TMEM33: variants seen among roughly 807,000 people sequenced by gnomAD.
The protein encoded by TMEM33 is transmembrane protein 33.
In TMEM33, 16 loss-of-function variants were observed where a neutral mutation model predicts 29.7. The observed-to-expected ratio is 0.54, with a 90% CI of 0.36 to 0.82. The LOEUF is 0.82. TMEM33 is among the 40% of genes least tolerant of loss of function. TMEM33 has a pLI of 0.00. For synonymous variants in TMEM33, 112 were observed against 109.4 expected, an observed-to-expected ratio of 1.02 and a Z score of -0.15; for missense variants, 252 against 295.3, an observed-to-expected ratio of 0.85 and a Z score of 1.08.
At position 41,936,596 on chromosome 4, in the gene TMEM33, C is replaced by T. The variant is rs191938759; in HGVS notation, c.45+1067C>T. ...AATTAGCCGGTCGTGGAGGTGCGCT[C>T]CTATAGTCCCAGCATAGTCCCAGCT... On this transcript the variant is annotated intron_variant, in intron 1 of 6. Transcript: ENST00000504986. 1.8e-3 allele frequency among the ~76,000 whole-genome samples: 280 copies of T among 152,180 alleles called. 1 individual carries two copies. The highest frequency in any genetic ancestry group is 4.2e-3 in the Admixed American group (64 of 15,288).
At position 41,954,770 on chromosome 4, in the gene TMEM33, ATCT is replaced by A. The variant is rs1325364916; in HGVS notation, c.*575_*577del. 1 of 152,574 alleles carries A rather than the reference ATCT, an allele frequency of 6.6e-6. No individual in the cohort carries two copies. Among genetic ancestry groups the A allele is most frequent in the African/African-American group, 2.4e-5 (1 of 41,424 alleles). The allele number at this position is 152,574 out of a possible 1,614,324, so 9.5% of individuals were successfully genotyped here. A position where few individuals can be genotyped will look rare whatever the true frequency, so the allele number is the denominator to read the frequency against. The stretch of plus-strand genomic sequence containing the variant: ...AGAATTCTATGTATCTTAAACTATG[ATCT>A]TCTAAAATTTTATTTCCGTAAGTAC... On this transcript the variant is annotated 3_prime_UTR_variant, in exon 7 of 7. Coordinates refer to ENST00000504986, the MANE Select transcript of TMEM33 (RefSeq NM_018126.3).
Position 41,938,706 on chromosome 4 carries a change from A to G in TMEM33, c.140+10A>G, listed in dbSNP as rs746207343. On this transcript the variant is annotated intron_variant, in intron 2 of 6. Transcript: ENST00000504986. ...TTCTGCCTCTTCTTGGGTATGTATT[A>G]TACATATTGCTGCCTTTGATATTCA... 6.2e-7 allele frequency: 1 copy of G among 1,613,302 alleles called. No homozygotes were observed. Among genetic ancestry groups the G allele is most frequent in the Non-Finnish European group, 8.5e-7 (1 of 1,179,336 alleles).
chr4:41,947,086 A>G (rs758247470), intron 5 of TMEM33, among the ~76,000 whole-genome samples: 4 of 152,054 alleles, frequency 2.6e-5, no homozygotes, highest in Non-Finnish European at 5.9e-5. Flanking sequence ...AAATACAAAA[A>G]TTAGCTGGGC....
At chr4:41,953,452 G>A (rs1377815242) in intron 6 of TMEM33, among the ~76,000 whole-genome samples, 3 of 152,212 alleles carry the variant, frequency 2.0e-5, no homozygotes, top group African/African-American at 7.2e-5. Context: ...TCACAGAAAT[G>A]GGCTTTTAAT....
chr4:41,941,658 A>C (rs1331512484), intron 3 of TMEM33, among the ~76,000 whole-genome samples: 2 of 152,212 alleles, frequency 1.3e-5, no homozygotes, highest in Non-Finnish European at 2.9e-5. Flanking sequence ...CATATTCCTT[A>C]AATTCTTACA....
chr4:41,947,489 G>A (rs1712847022), intron 5 of TMEM33, among the ~76,000 whole-genome samples: 4 of 152,164 alleles, frequency 2.6e-5, no homozygotes, highest in Non-Finnish European at 2.9e-5. Context: ...ATTCAATTGT[G>A]CTCCTTAAAT....
rs1386549929 is a variant in TMEM33 at position 41,939,286 on chromosome 4, C to A, written c.231C>A (p.Phe77Leu). Reference sequence around the variant, plus strand: ...GGCTGCATCAAAGATTACCACACTTCCAGTTAAGCAGAGCATTCCTGGCCC... The same window carrying A: ...GGCTGCATCAAAGATTACCACACTTACAGTTAAGCAGAGCATTCCTGGCCC... ...ALRLHQRLPH[F>L]QLSRAFLAQA... is the part of the protein sequence containing the mutation. Residue 77 changes from phenylalanine to leucine, a missense_variant, in exon 3 of 7, where the codon TTC becomes TTA. Phe to Leu is a conservative substitution (Grantham distance 22). Coordinates refer to ENST00000504986, the MANE Select transcript of TMEM33 (RefSeq NM_018126.3). 3.1e-6 allele frequency: 5 copies of A among 1,613,874 alleles called. No individual in the cohort carries two copies. The highest frequency in any genetic ancestry group is 4.2e-6 in the Non-Finnish European group (5 of 1,179,932).
rs1192491686 is a variant in TMEM33, at chr4:41,957,218, A to C, written c.*3019A>C. On this transcript the variant is annotated 3_prime_UTR_variant, in exon 7 of 7. Transcript: ENST00000504986. ...GTATAGTTGGTACCTTACTAATTTA[A>C]ACTCTAATATCAATCTAAAGAGAAA... 6.6e-6 allele frequency: 1 copy of C among 151,548 alleles called. No individual in the cohort carries two copies. The highest frequency in any genetic ancestry group is 6.6e-5 in the Admixed American group (1 of 15,226). The allele number at this position is 151,548 out of a possible 1,614,324, so 9.4% of individuals were successfully genotyped here.
rs1159009145 is a variant in TMEM33 at position 41,954,076 on chromosome 4, A to T, written c.621A>T (p.Leu207Phe). 6.2e-7 allele frequency: 1 copy of T among 1,613,538 alleles called. No individual in the cohort carries two copies. The highest frequency in any genetic ancestry group is 1.1e-5 in the South Asian group (1 of 90,968). Residue 207 changes from leucine (L) to phenylalanine (F), a missense_variant, in exon 7 of 7, where the codon TTA becomes TTT. Leu to Phe is a conservative substitution (Grantham distance 22). Transcript: ENST00000504986. ...SSRRNPYCRTLFNELRIVVEH... is the reference protein window; with the variant it reads ...SSRRNPYCRTFFNELRIVVEH... ...AAACTATTTTGTCTTGCAGGACCTTATTTAATGAACTGAGGATTGTTGTTG... is the reference window on the plus strand; with the variant it reads ...AAACTATTTTGTCTTGCAGGACCTTTTTTAATGAACTGAGGATTGTTGTTG...
Position 41,954,325 on chromosome 4 carries a change from T to A in TMEM33, c.*126T>A. The A allele has an allele frequency of 1.9e-6, 2 of 1,029,934 alleles. No homozygotes were observed. Among genetic ancestry groups the A allele is most frequent in the African/African-American group, 3.3e-5 (2 of 61,338 alleles). The allele number at this position is 1,029,934 out of a possible 1,614,324, so 63.8% of individuals were successfully genotyped here. On this transcript the variant is annotated 3_prime_UTR_variant, in exon 7 of 7. Coordinates refer to ENST00000504986, the MANE Select transcript of TMEM33 (RefSeq NM_018126.3). ...AATTTACATAATTTACATAAATGCATCTCGGTGGAAAAATAATCATTTTCT... is the reference window on the plus strand; with the variant it reads ...AATTTACATAATTTACATAAATGCAACTCGGTGGAAAAATAATCATTTTCT...
At position 41,960,782 on chromosome 4, in the gene TMEM33, A is replaced by T. The variant is rs1188112771; in HGVS notation, c.*6583A>T. On this transcript the variant is annotated 3_prime_UTR_variant, in exon 7 of 7. Transcript: ENST00000504986. ...TGTAACTGGAAAAAAAAAGGAAAGA[A>T]AAATTACATTGATGCCTCAGCTGTT... Among the ~76,000 whole-genome samples, 1 of 152,186 alleles carries T rather than the reference A, an allele frequency of 6.6e-6. No individual in the cohort carries two copies. Among genetic ancestry groups the T allele is most frequent in the Non-Finnish European group, 1.5e-5 (1 of 68,004 alleles).
At chr4:41,945,632 G>A (rs1712752029) in intron 5 of TMEM33, among the ~76,000 whole-genome samples, 1 of 152,124 alleles carries the variant, frequency 6.6e-6, no homozygotes, top group Non-Finnish European at 1.5e-5. Context: ...TATTATGGAT[G>A]TGGAGTTTTG....
chr4:41,954,033 C>T (rs1317471446), intron 6 of TMEM33, 37 bp from the exon 7 acceptor site: 2 of 1,606,890 alleles, frequency 1.2e-6, no homozygotes, highest in South Asian at 2.2e-5. Flanking sequence ...ATTGCTTTTT[C>T]CTTGTGTTTC....
chr4:41,935,481 C>G lies in TMEM33; in HGVS notation c.-4C>G. 1 of 1,608,764 alleles carries G rather than the reference C, an allele frequency of 6.2e-7. No individual in the cohort carries two copies. The highest frequency in any genetic ancestry group is 1.1e-5 in the South Asian group (1 of 89,948). On this transcript the variant is annotated 5_prime_UTR_variant, in exon 1 of 7. Coordinates refer to ENST00000504986, the MANE Select transcript of TMEM33 (RefSeq NM_018126.3). ...CGGCGTCGCAGACGCTAGTGTGAGCCCCCATGGCAGATACGACCCCGAACG... is the reference window on the plus strand; with the variant it reads ...CGGCGTCGCAGACGCTAGTGTGAGCGCCCATGGCAGATACGACCCCGAACG...
chr4:41,954,253 C>A lies in TMEM33; in HGVS notation c.*54C>A. 1 of 1,588,908 alleles carries A rather than the reference C, an allele frequency of 6.3e-7. No homozygotes were observed. Among genetic ancestry groups the A allele is most frequent in the Non-Finnish European group, 8.6e-7 (1 of 1,163,456 alleles). ...GTATAAGCATTATTAGCAGCTGGTA[C>A]TTCTGCTAGGGGTTGTAAATTCCAG... On this transcript the variant is annotated 3_prime_UTR_variant, in exon 7 of 7. Coordinates refer to ENST00000504986, the MANE Select transcript of TMEM33 (RefSeq NM_018126.3).
chr4:41,947,635 G>A (rs867304024), intron 5 of TMEM33, among the ~76,000 whole-genome samples: 10 of 152,088 alleles, frequency 6.6e-5, no homozygotes, highest in Middle Eastern at 3.2e-3. Flanking sequence ...CTTATAAAGT[G>A]GTACTTAATT....
Position 41,955,393 on chromosome 4 carries a change from A to G in TMEM33, c.*1194A>G, listed in dbSNP as rs1338788393. On this transcript the variant is annotated 3_prime_UTR_variant, in exon 7 of 7. Transcript: ENST00000504986. ...GTTCATTGAACTCCCATCAACTCTT[A>G]TAAAATTCATGCTGATCTTCATTAC... 1 of 152,438 alleles carries G rather than the reference A, an allele frequency of 6.6e-6. No homozygotes were observed. 9.4% of individuals were successfully genotyped at this position (152,438 alleles called of 1,614,324 possible). A position where few individuals can be genotyped will look rare whatever the true frequency, so the allele number is the denominator to read the frequency against.
intron 3 of TMEM33, among the ~76,000 whole-genome samples, chr4:41,942,627 A>G (rs1055974137): frequency 6.6e-6 from 1 of 152,024 alleles, no homozygotes; most frequent in Admixed American, 6.5e-5. Context: ...AACAGTCTAT[A>G]TCATTTTGTG....
In TMEM33 at chr4:41,954,609, A is replaced by C. The variant is rs1454553463; in HGVS notation, c.*410A>C. On this transcript the variant is annotated 3_prime_UTR_variant, in exon 7 of 7. Coordinates refer to ENST00000504986, the MANE Select transcript of TMEM33 (RefSeq NM_018126.3). ...ACATATGTGAATTCAGTACATTTTG[A>C]GACAGTATTCTACCATTCAGTAATT... is the stretch of plus-strand genomic sequence containing the variant. The C allele has an allele frequency of 2.6e-5, 4 of 155,340 alleles. No homozygotes were observed. The highest frequency in any genetic ancestry group is 9.6e-5 in the African/African-American group (4 of 41,468). The allele number at this position is 155,340 out of a possible 1,614,324, so 9.6% of individuals were successfully genotyped here.
Sources: allele counts gnomAD v4.1 joint callset (sites outside exome capture counted in the v4.1 genomes callset), GRCh38; gene constraint gnomAD v4.1.1; transcripts MANE v1.5; gene names NCBI Gene and HGNC (gene_info 2026-07-23, HGNC 2026-07-21).